Variants in RSAD1 observed in about 807,000 individuals in gnomAD.
RSAD1 encodes radical S-adenosyl methionine domain-containing protein 1, mitochondrial.
Under a neutral mutation model 46.2 loss-of-function variants are expected in RSAD1, and 34 were observed. The observed-to-expected ratio is 0.74, with a 90% CI of 0.56 to 0.98. The LOEUF (loss-of-function observed/expected upper bound fraction) is 0.98. Among genes scored for constraint, RSAD1 ranks in the 50% least tolerant of loss-of-function variants. The probability of loss-of-function intolerance (pLI) is 0.00; values close to 1 mark genes in which losing one functional copy is unlikely to be tolerated. For missense variants in RSAD1, 635 were observed against 592.3 expected, an observed-to-expected ratio of 1.07 and a Z score of -0.75; for synonymous variants, 260 against 253.5, an observed-to-expected ratio of 1.03 and a Z score of -0.24.
rs185919720 is a variant in RSAD1 at position 50,484,617 on chromosome 17, C to T, written c.1211+72C>T. On this transcript the variant is annotated intron_variant, in intron 8 of 8. Transcript: ENST00000258955. ...GCCCTGACTACAGCTCTCCACAGAC[C>T]CAGGAGAAGTGAGAAAGACTGACTG... 28 of 1,547,068 alleles carry T rather than the reference C, an allele frequency of 1.8e-5. No homozygotes were observed. In the East Asian group the frequency reaches 6.1e-4, roughly 34 times the overall value.
At chr17:50,479,843 C>G in intron 2 of RSAD1, 37 bp from the exon 3 acceptor site, 1 of 1,596,252 alleles carries the variant, frequency 6.3e-7, no homozygotes. Context: ...TCCCAGAGGG[C>G]TCCCCCAGGT....
In RSAD1 at chr17:50,484,939, G is replaced by T; in HGVS notation, c.*78G>T. 1 of 1,155,384 alleles carries T rather than the reference G, an allele frequency of 8.7e-7. No individual in the cohort carries two copies. 71.6% of individuals were successfully genotyped at this position (1,155,384 alleles called of 1,614,324 possible). The stretch of plus-strand genomic sequence containing the variant: ...TCGGTACTGCAGACATCTCTTCTCC[G>T]TTGTCGGGTGCCGTCTCTGCTCCTT... On this transcript the variant is annotated 3_prime_UTR_variant, in exon 9 of 9. Coordinates refer to ENST00000258955, the MANE Select transcript of RSAD1 (RefSeq NM_018346.3).
intron 3 of RSAD1, among the ~76,000 whole-genome samples, chr17:50,481,618 A>G (rs1204188582): frequency 1.3e-5 from 2 of 152,258 alleles, no homozygotes; most frequent in African/African-American, 4.8e-5. Flanking sequence ...CAGCATAATA[A>G]CAGGTATGTA....
At position 50,483,774 on chromosome 17, in the gene RSAD1, A is replaced by G; in HGVS notation, c.1107+14A>G. ...ATCACTCACCAGGTAAGGAGTTAGG[A>G]TTCTTGCACACCACTCCCTCCTAAA... is the stretch of plus-strand genomic sequence containing the variant. On this transcript the variant is annotated intron_variant, in intron 7 of 8. Transcript: ENST00000258955. The G allele has an allele frequency of 6.2e-7, 1 of 1,600,866 alleles. No homozygotes were observed. Among genetic ancestry groups the G allele is most frequent in the Non-Finnish European group, 8.5e-7 (1 of 1,175,856 alleles).
Position 50,483,957 on chromosome 17 carries a change from G to C in RSAD1, c.1107+197G>C, listed in dbSNP as rs542117235. On this transcript the variant is annotated intron_variant, in intron 7 of 8. Transcript: ENST00000258955. The stretch of plus-strand genomic sequence containing the variant: ...TGCATAGCTAAGAACCCTAGACCAG[G>C]GCTGCAGAGACCCAAGTTCCAGCCC... The C allele has an allele frequency of 8.8e-6, 5 of 566,324 alleles. No homozygotes were observed. The East Asian group carries it at 9.3e-5, about 11-fold the overall frequency. 35.1% of individuals were successfully genotyped at this position (566,324 alleles called of 1,614,324 possible).
At chr17:50,482,053 G>C (rs1176695990) in intron 3 of RSAD1, 38 bp from the exon 4 acceptor site, 16 of 1,494,214 alleles carry the variant, frequency 1.1e-5, no homozygotes, top group South Asian at 6.8e-5. Context: ...GTCTCTCTCT[G>C]AGCTGCTGGT....
chr17:50,483,233 A>G (rs1049429619), intron 5 of RSAD1, 107 bp from the exon 6 acceptor site: 1 of 910,948 alleles, frequency 1.1e-6, no homozygotes, highest in Non-Finnish European at 1.5e-6. Flanking sequence ...AATAATTTAT[A>G]TTTCCAGTAT....
At chr17:50,483,248 G>T in intron 5 of RSAD1, 92 bp from the exon 6 acceptor site, 1 of 1,173,784 alleles carries the variant, frequency 8.5e-7, no homozygotes, top group South Asian at 1.7e-5. Flanking sequence ...CAGTATGTTA[G>T]AGGCAGTTGC....
intron 3 of RSAD1, 33 bp from the exon 4 acceptor site, chr17:50,482,058 G>A: frequency 6.7e-7 from 1 of 1,499,092 alleles, no homozygotes; most frequent in Non-Finnish European, 8.9e-7. Context: ...TCTCTGAGCT[G>A]CTGGTATGCT....
intron 3 of RSAD1, chr17:50,480,384 C>A (rs879571400): frequency 9.7e-6 from 4 of 410,546 alleles, no homozygotes; most frequent in Non-Finnish European, 1.8e-5. Context: ...AGACATGTAG[C>A]CAGATTATTG....
Position 50,484,908 on chromosome 17 carries a change from G to A in RSAD1, c.*47G>A, listed in dbSNP as rs764466810. 3 of 1,489,696 alleles carry A rather than the reference G, an allele frequency of 2.0e-6. No individual in the cohort carries two copies. In the African/African-American group the frequency reaches 4.1e-5, roughly 21 times the overall value. 92.3% of individuals were successfully genotyped at this position (1,489,696 alleles called of 1,614,324 possible). ...GGGTAATGCCAGGTGGGTTTTGAGAGCTGGGTCGGTACTGCAGACATCTCT... is the reference window on the plus strand; with the variant it reads ...GGGTAATGCCAGGTGGGTTTTGAGAACTGGGTCGGTACTGCAGACATCTCT... On this transcript the variant is annotated 3_prime_UTR_variant, in exon 9 of 9. Transcript: ENST00000258955.
chr17:50,484,018 C>T, intron 7 of RSAD1: 1 of 514,950 alleles, frequency 1.9e-6, no homozygotes, highest in African/African-American at 2.0e-5. Context: ...AATCCTTTCA[C>T]CTCTCTTAAC....
intron 2 of RSAD1, 44 bp downstream of exon 2, chr17:50,479,806 A>G: frequency 6.3e-7 from 1 of 1,589,702 alleles, no homozygotes; most frequent in Non-Finnish European, 8.6e-7. Flanking sequence ...AAATATTTGG[A>G]GGAGTGGTGG....
At chr17:50,479,857 AT>A (rs1215510547) in intron 2 of RSAD1, 22 bp from the exon 3 acceptor site, 5 of 1,603,502 alleles carry the variant, frequency 3.1e-6, no homozygotes, top group Middle Eastern at 1.7e-4. Context: ...CCCAGGTCTC[AT>A]TTCTCCATTC....
chr17:50,482,979 G>T (rs560470474), intron 5 of RSAD1, among the ~76,000 whole-genome samples: 3 of 151,664 alleles, frequency 2.0e-5, no homozygotes, highest in East Asian at 3.9e-4. Context: ...TTCCCAATTG[G>T]ACAGGGCTAG....
chr17:50,484,517 G>C lies in RSAD1; in HGVS notation c.1183G>C (p.Glu395Gln). 1 of 1,613,578 alleles carries C rather than the reference G, an allele frequency of 6.2e-7. No homozygotes were observed. Among genetic ancestry groups the C allele is most frequent in the Non-Finnish European group, 8.5e-7 (1 of 1,180,002 alleles). Residue 395 changes from glutamate to glutamine, a missense_variant, in exon 8 of 9, where the codon GAG becomes CAG. Physicochemically the swap from Glu to Gln is conservative, Grantham distance 29. Coordinates refer to ENST00000258955, the MANE Select transcript of RSAD1 (RefSeq NM_018346.3). ...GAACAAGGAGGTGCAGGAGCTGCTG[G>C]AGCGGGGCCTACTGCAGCTGGATCA... Reference protein sequence around the residue: ...GANKEVQELLERGLLQLDHRG... With the variant: ...GANKEVQELLQRGLLQLDHRG...
At chr17:50,482,610 C>G (rs780427286) in intron 4 of RSAD1, 33 bp from the exon 5 acceptor site, 2 of 1,613,812 alleles carry the variant, frequency 1.2e-6, no homozygotes, top group Non-Finnish European at 8.5e-7. Context: ...GGCCTGCCCT[C>G]TTCACTCTGC....
At position 50,479,852 on chromosome 17, in the gene RSAD1, G is replaced by A. The variant is rs754824063; in HGVS notation, c.270-28G>A. ...CAGGCATCCCAGAGGGCTCCCCCAG[G>A]TCTCATTTCTCCATTCTCTTTCCCC... is the stretch of plus-strand genomic sequence containing the variant. On this transcript the variant is annotated intron_variant, in intron 2 of 8. Coordinates refer to ENST00000258955, the MANE Select transcript of RSAD1 (RefSeq NM_018346.3). 6 of 1,601,136 alleles carry A rather than the reference G, an allele frequency of 3.7e-6. No individual in the cohort carries two copies. In the South Asian group the frequency reaches 5.6e-5, roughly 15 times the overall value.
chr17:50,485,424 C>T lies in RSAD1; in HGVS notation c.*563C>T. On this transcript the variant is annotated 3_prime_UTR_variant, in exon 9 of 9. Coordinates refer to ENST00000258955, the MANE Select transcript of RSAD1 (RefSeq NM_018346.3). ...AGAAAACTCCTGCTGATGGTCTCAG[C>T]TTCCAGCAGCACAAAAGCAGATGAT... The T allele has an allele frequency of 6.5e-6, 1 of 152,778 alleles. No homozygotes were observed. The highest frequency in any genetic ancestry group is 1.5e-5 in the Non-Finnish European group (1 of 68,360). The allele number at this position is 152,778 out of a possible 1,614,324, so 9.5% of individuals were successfully genotyped here.
Sources: allele counts gnomAD v4.1 joint callset (sites outside exome capture counted in the v4.1 genomes callset), GRCh38; gene constraint gnomAD v4.1.1; transcripts MANE v1.5; gene names NCBI Gene and HGNC (gene_info 2026-07-23, HGNC 2026-07-21).